The following ATG4A variants were observed in gnomAD, a reference collection of about 807,000 sequenced individuals.
ATG4A encodes the protein cysteine protease ATG4A.
ATG4A carries 22 observed loss-of-function variants against 38.4 expected under a neutral mutation model. The observed-to-expected ratio is 0.57, with a 90% CI of 0.41 to 0.82. The LOEUF is 0.82. Among genes scored for constraint, ATG4A ranks in the 40% least tolerant of loss-of-function variants. ATG4A has a pLI of 0.00. For missense variants in ATG4A, 220 were observed against 290.0 expected (o/e 0.76, Z 1.75); for synonymous variants, 86 against 100.7 (o/e 0.85, Z 0.88).
At chrX:108,112,886 C>G (rs932730740) in intron 1 of ATG4A, among the ~76,000 whole-genome samples, 1 of 110,253 alleles carries the variant, frequency 9.1e-6, no homozygotes, top group Non-Finnish European at 1.9e-5. Context: ...GTGTGGGAAA[C>G]CATACTAGGT....
chrX:108,097,394 A>G, intron 1 of ATG4A, among the ~76,000 whole-genome samples: 1 of 112,300 alleles, frequency 8.9e-6, no homozygotes, highest in Non-Finnish European at 1.9e-5. Flanking sequence ...CAAGATTTTA[A>G]TGCTCTAGAG....
intron 9 of ATG4A, among the ~76,000 whole-genome samples, chrX:108,146,930 C>T (rs1235390934): frequency 8.9e-6 from 1 of 112,300 alleles, no homozygotes; most frequent in Non-Finnish European, 1.9e-5. Context: ...TAAATTCAGC[C>T]TGATCCAACT....
intron 9 of ATG4A, among the ~76,000 whole-genome samples, chrX:108,147,432 C>A (rs955309488): frequency 3.6e-5 from 4 of 111,676 alleles, no homozygotes; most frequent in African/African-American, 1.3e-4. Context: ...CCAATCAATG[C>A]CCTCACTTTA....
intron 9 of ATG4A, among the ~76,000 whole-genome samples, chrX:108,139,526 C>G (rs2033184722): frequency 8.9e-6 from 1 of 112,234 alleles, no homozygotes; most frequent in South Asian, 3.7e-4. Context: ...CTAATGCTGC[C>G]ATCTATTGGT....
At chrX:108,100,514 C>T (rs1301291891) in intron 1 of ATG4A, among the ~76,000 whole-genome samples, 1 of 110,989 alleles carries the variant, frequency 9.0e-6, no homozygotes, top group Admixed American at 9.6e-5. Flanking sequence ...TGTTCCCAGT[C>T]TTAGGGAAGA....
chrX:108,113,383 TG>T (rs1399112666), intron 1 of ATG4A, among the ~76,000 whole-genome samples: 3 of 111,054 alleles, frequency 2.7e-5, no homozygotes, highest in African/African-American at 6.6e-5. Context: ...CACTGTCCAT[TG>T]GGGGGCACTG....
In ATG4A at chrX:108,154,664, A is replaced by G. The variant is rs2033663643; in HGVS notation, c.*952A>G. The G allele has an allele frequency of 8.9e-6, 1 of 112,851 alleles. No homozygotes were observed. The highest frequency in any genetic ancestry group is 1.9e-5 in the Non-Finnish European group (1 of 53,380). The allele number at this position is 112,851 out of a possible 1,213,427, so 9.3% of individuals were successfully genotyped here. ...ATTAAAAATAAATTGTGTTTGAAGT[A>G]TACCCTACTTGGTTGACAGCCATAT... On this transcript the variant is annotated 3_prime_UTR_variant, in exon 13 of 13. Transcript: ENST00000372232.
At chrX:108,089,620 G>T (rs952131440), upstream of ATG4A, among the ~76,000 whole-genome samples, 1 of 111,331 alleles carries the variant, frequency 9.0e-6, no homozygotes, top group African/African-American at 3.3e-5. Flanking sequence ...GATCACCCGA[G>T]GTCAGGAGTT....
At chrX:108,153,129 A>G (rs2033628791) in intron 12 of ATG4A, 42 bp downstream of exon 12, 2 of 960,425 alleles carry the variant, frequency 2.1e-6, no homozygotes. Flanking sequence ...AGACCCACAT[A>G]TAGCAGTTGT....
At chrX:108,152,903 G>C in intron 11 of ATG4A, 76 bp from the exon 12 acceptor site, 1 of 768,636 alleles carries the variant, frequency 1.3e-6, no homozygotes, top group Non-Finnish European at 2.0e-6. Context: ...CACTGTCTCA[G>C]GGTTTGGGGT....
intron 1 of ATG4A, among the ~76,000 whole-genome samples, chrX:108,115,395 T>C (rs766094249): frequency 9.0e-6 from 1 of 111,709 alleles, no homozygotes; most frequent in South Asian, 3.7e-4. Context: ...TTCTGGTCCC[T>C]CAGAAGGTTC....
chrX:108,135,736 G>T (rs2033083754), intron 6 of ATG4A, among the ~76,000 whole-genome samples: 1 of 110,255 alleles, frequency 9.1e-6, no homozygotes, highest in South Asian at 3.9e-4. Flanking sequence ...CTCAGAATTT[G>T]CTTCTTTCTT....
chrX:108,116,743 C>T (rs955077322), intron 1 of ATG4A, among the ~76,000 whole-genome samples: 3 of 111,696 alleles, frequency 2.7e-5, no homozygotes, highest in Admixed American at 9.5e-5. Context: ...CCTGGCTCCA[C>T]CTTCCTCTCC....
intron 1 of ATG4A, among the ~76,000 whole-genome samples, chrX:108,120,530 A>G (rs752660771): frequency 1.0e-3 from 116 of 112,442 alleles, no homozygotes; most frequent in African/African-American, 3.3e-3. Context: ...ACACTTAAAA[A>G]GGGAATAAGA....
At chrX:108,093,568 CTT>C (rs933616844) in intron 1 of ATG4A, among the ~76,000 whole-genome samples, 3 of 111,567 alleles carry the variant, frequency 2.7e-5, no homozygotes, top group African/African-American at 9.8e-5. Context: ...TTTCATTTCT[CTT>C]TGATAGATAC....
intron 4 of ATG4A, among the ~76,000 whole-genome samples, chrX:108,133,003 G>C (rs1019625801): frequency 2.9e-4 from 33 of 111,983 alleles, no homozygotes; most frequent in African/African-American, 9.7e-4. Context: ...TGAATATTTA[G>C]TGCTATTTAG....
intron 9 of ATG4A, among the ~76,000 whole-genome samples, chrX:108,144,953 C>G (rs1464348425): frequency 4.5e-5 from 5 of 112,173 alleles, no homozygotes; most frequent in African/African-American, 1.6e-4. Flanking sequence ...AGTAACACAC[C>G]CAAATGAGGA....
chrX:108,136,884 T>G (rs2033119913), intron 6 of ATG4A, among the ~76,000 whole-genome samples: 1 of 111,589 alleles, frequency 9.0e-6, no homozygotes, highest in African/African-American at 3.3e-5. Flanking sequence ...TTTTTGAGGT[T>G]CAGATACAGT....
At chrX:108,099,018 A>C (rs2031920710) in intron 1 of ATG4A, among the ~76,000 whole-genome samples, 1 of 111,720 alleles carries the variant, frequency 9.0e-6, no homozygotes, top group Non-Finnish European at 1.9e-5. Context: ...GAGCAATTAC[A>C]AGGTGGGACG....
Sources: allele counts gnomAD v4.1 joint callset (sites outside exome capture counted in the v4.1 genomes callset), GRCh38; gene constraint gnomAD v4.1.1; transcripts MANE v1.5; gene names NCBI Gene and HGNC (gene_info 2026-07-23, HGNC 2026-07-21).